Variants in TLE3 observed in about 807,000 individuals in gnomAD.
TLE3 encodes transducin-like enhancer protein 3.
In TLE3, 14 loss-of-function variants were observed where a neutral mutation model predicts 93.0. The observed-to-expected ratio is 0.15, with a 90% CI of 0.10 to 0.24. TLE3 has a LOEUF of 0.24. Among genes scored for constraint, TLE3 ranks in the 10% least tolerant of loss-of-function variants. The probability of loss-of-function intolerance (pLI) is 1.00; values close to 1 mark genes in which losing one functional copy is unlikely to be tolerated. For missense variants in TLE3, 693 were observed against 1,046.6 expected, an observed-to-expected ratio of 0.66 and a Z score of 4.66; for synonymous variants, 451 against 425.0, an observed-to-expected ratio of 1.06 and a Z score of -0.75.
chr15:70,086,912 T>C (rs193218905), intron 4 of TLE3, among the ~76,000 whole-genome samples: 3 of 152,238 alleles, frequency 2.0e-5, no homozygotes, highest in Admixed American at 2.0e-4. Flanking sequence ...TAGTGTTAGA[T>C]GAAAAGAAAA....
chr15:70,052,362 T>A lies in TLE3; in HGVS notation c.2125+12A>T, dbSNP rs753674474. 1.6e-5 allele frequency: 26 copies of A among 1,612,362 alleles called. No homozygotes were observed. The South Asian group carries it at 2.0e-4, about 12-fold the overall frequency. On this transcript the variant is annotated intron_variant, in intron 18 of 19. Transcript: ENST00000451782. ...CCCCACTCCATCAGGCCTGGGCCCA[T>A]CCAAGGCTCACCGCAGTAGGCGAAC...
chr15:70,066,899 G>A, intron 6 of TLE3: 1 of 387,810 alleles, frequency 2.6e-6, no homozygotes, highest in Non-Finnish European at 5.3e-6. Context: ...GTGTGGCCTG[G>A]GGCAGGTTAC....
rs762967387 is a variant in TLE3 at position 70,096,888 on chromosome 15, G to A, written c.-90C>T. The A allele has an allele frequency of 6.9e-7, 1 of 1,448,054 alleles. No individual in the cohort carries two copies. Among genetic ancestry groups the A allele is most frequent in the Middle Eastern group, 2.4e-4 (1 of 4,152 alleles). The allele number at this position is 1,448,054 out of a possible 1,614,324, so 89.7% of individuals were successfully genotyped here. ...GGGAGGGGGGAGCCGAGCCCGAGCG[G>A]GGGGCGGCCGGGAAACCGAGAGCTC... On this transcript the variant is annotated 5_prime_UTR_variant, in exon 1 of 20. Transcript: ENST00000451782.
chr15:70,085,168 A>G (rs2057985580), intron 4 of TLE3, among the ~76,000 whole-genome samples: 2 of 152,212 alleles, frequency 1.3e-5, no homozygotes. Flanking sequence ...GGCAGGTGTT[A>G]TTATTATCTC....
At chr15:70,057,727 A>G in intron 12 of TLE3, 69 bp from the exon 13 acceptor site, 2 of 1,515,520 alleles carry the variant, frequency 1.3e-6, no homozygotes, top group South Asian at 2.4e-5. Flanking sequence ...CGCCTCACCC[A>G]GCAATAACCC....
chr15:70,063,680 C>A (rs112695471), intron 8 of TLE3, among the ~76,000 whole-genome samples: 2 of 152,212 alleles, frequency 1.3e-5, no homozygotes, highest in Non-Finnish European at 2.9e-5. Flanking sequence ...CTTTGCTAAT[C>A]GCTGGAGGAT....
At chr15:70,093,022 A>C (rs1169485844) in intron 4 of TLE3, among the ~76,000 whole-genome samples, 1 of 152,228 alleles carries the variant, frequency 6.6e-6, no homozygotes, top group Non-Finnish European at 1.5e-5. Context: ...AAGGTCCTTG[A>C]AACACCTGGG....
intron 14 of TLE3, 49 bp downstream of exon 14, chr15:70,056,249 C>T (rs951640692): frequency 6.3e-7 from 1 of 1,594,608 alleles, no homozygotes; most frequent in African/African-American, 1.3e-5. Flanking sequence ...GTAGAGTGCT[C>T]TCTCCTGCCC....
intron 4 of TLE3, among the ~76,000 whole-genome samples, chr15:70,088,347 G>A (rs1244910665): frequency 1.3e-5 from 2 of 152,158 alleles, no homozygotes; most frequent in Non-Finnish European, 2.9e-5. Flanking sequence ...CATGGCGGCA[G>A]GACGTTTCCC....
Position 70,084,958 on chromosome 15 carries a change from T to C in TLE3, c.235-8800A>G, listed in dbSNP as rs574128505. 7.6e-4 allele frequency among the ~76,000 whole-genome samples: 115 copies of C among 152,288 alleles called. 1 individual carries two copies. Among genetic ancestry groups the C allele is most frequent in the South Asian group, 6.6e-3 (32 of 4,826 alleles). Reference sequence around the variant, plus strand: ...ATGGCACTCCCTATAACTGTAACTGTACAATTTATGAAGCCACCAGCCACC... The same window carrying C: ...ATGGCACTCCCTATAACTGTAACTGCACAATTTATGAAGCCACCAGCCACC... On this transcript the variant is annotated intron_variant, in intron 4 of 19. Transcript: ENST00000451782.
intron 8 of TLE3, 35 bp downstream of exon 8, chr15:70,064,419 A>G (rs1309629538): frequency 4.3e-6 from 7 of 1,612,746 alleles, no homozygotes; most frequent in Non-Finnish European, 5.9e-6. Flanking sequence ...CCAGCACCCA[A>G]ACACCCCTCC....
intron 10 of TLE3, among the ~76,000 whole-genome samples, chr15:70,059,046 A>C (rs1271838144): frequency 1.3e-5 from 2 of 152,190 alleles, no homozygotes; most frequent in East Asian, 3.9e-4. Flanking sequence ...CAGGACTTCA[A>C]TCAGCATGGC....
chr15:70,095,585 T>A lies in TLE3; in HGVS notation c.182A>T (p.Tyr61Phe). ...CCCGCGGCCGCATCTCACCATCACA[T>A]AATGGCGCTGCATCTCCGTCTTCTC... Reference protein sequence around the residue: ...ANEKTEMQRHYVMYYEMSYGL... With the variant: ...ANEKTEMQRHFVMYYEMSYGL... The change falls in exon 3 of 20, where the codon TAT becomes TTT. Residue 61 changes from tyrosine to phenylalanine, a missense_variant. Coordinates refer to ENST00000451782, the MANE Select transcript of TLE3 (RefSeq NM_001105192.3). 6.4e-7 allele frequency: 1 copy of A among 1,551,294 alleles called. No homozygotes were observed. The highest frequency in any genetic ancestry group is 8.7e-7 in the Non-Finnish European group (1 of 1,146,760).
intron 4 of TLE3, chr15:70,079,297 C>T (rs960026280): frequency 1.3e-5 from 6 of 470,296 alleles, no homozygotes; most frequent in African/African-American, 4.3e-5. Flanking sequence ...GGCCCATGTT[C>T]GACGAAGAGA....
intron 4 of TLE3, among the ~76,000 whole-genome samples, chr15:70,076,988 G>A (rs1224817501): frequency 1.3e-5 from 2 of 152,196 alleles, no homozygotes; most frequent in Non-Finnish European, 2.9e-5. Flanking sequence ...AAAGGGCTGG[G>A]ACTACAGACA....
At chr15:70,059,652 T>C (rs568488616) in intron 9 of TLE3, among the ~76,000 whole-genome samples, 192 bp from the exon 10 acceptor site, 3 of 152,314 alleles carry the variant, frequency 2.0e-5, no homozygotes, top group African/African-American at 7.2e-5. Context: ...CCCGTGAGGC[T>C]GTCCCCTAGC....
In TLE3 at chr15:70,086,594, A is replaced by G. The variant is rs147634873; in HGVS notation, c.234+7938T>C. Among the ~76,000 whole-genome samples, 995 of 152,324 alleles carry G rather than the reference A, an allele frequency of 6.5e-3. 6 individuals are homozygous for G. Among genetic ancestry groups the G allele is most frequent in the South Asian group, 0.028 (135 of 4,830 alleles). On this transcript the variant is annotated intron_variant, in intron 4 of 19. Transcript: ENST00000451782. Reference sequence around the variant, plus strand: ...CTGCATTTGGGTCTCCACTTGAGGAAAGGGTCAGCCTTCCAGCGCAAACGA... The same window carrying G: ...CTGCATTTGGGTCTCCACTTGAGGAGAGGGTCAGCCTTCCAGCGCAAACGA...
In TLE3 at chr15:70,095,742, AC is replaced by A. The variant is rs534261050; in HGVS notation, c.126-102del. On this transcript the variant is annotated intron_variant, in intron 2 of 19. Coordinates refer to ENST00000451782, the MANE Select transcript of TLE3 (RefSeq NM_001105192.3). ...AGAGCCACTTTTCCACTTTCCTGAC[AC>A]CCCCCCGGGGGCGCCCCCATTATCC... is the stretch of plus-strand genomic sequence containing the variant. 8.0e-4 allele frequency: 1,097 copies of A among 1,377,186 alleles called. 7 individuals carry two copies. The African/African-American group carries it at 0.013, about 17-fold the overall frequency. The allele number at this position is 1,377,186 out of a possible 1,614,324, so 85.3% of individuals were successfully genotyped here. A position where few individuals can be genotyped will look rare whatever the true frequency, so the allele number is the denominator to read the frequency against.
intron 4 of TLE3, among the ~76,000 whole-genome samples, chr15:70,083,515 C>G (rs2057889774): frequency 7.4e-6 from 1 of 134,892 alleles, no homozygotes; most frequent in Non-Finnish European, 1.6e-5. Flanking sequence ...GCACACCGCC[C>G]CCACCCTTCC....
Sources: gnomAD v4.1 joint callset for allele counts (sites outside exome capture counted in the v4.1 genomes callset) on GRCh38, gnomAD v4.1.1 for gene constraint, MANE v1.5 for transcripts, NCBI Gene and HGNC (gene_info 2026-07-23, HGNC 2026-07-21) for gene names.